PIEZO2: variants seen among roughly 807,000 people sequenced by gnomAD.
The protein encoded by PIEZO2 is piezo type mechanosensitive ion channel component 2, also known as piezo-type mechanosensitive ion channel component 2.
A neutral mutation model predicts 337.3 loss-of-function variants in PIEZO2; 172 were observed. The ratio of observed to expected loss-of-function variants is 0.51; its 90% CI spans 0.45 to 0.58. PIEZO2 has a LOEUF of 0.58. Ranked by LOEUF, PIEZO2 falls within the 20% of genes least tolerant of loss-of-function variation. PIEZO2 has a pLI of 0.00. For synonymous variants in PIEZO2, 1,251 were observed against 1,228.5 expected (o/e 1.02, Z -0.38); for missense variants, 3,028 against 3,391.3 (o/e 0.89, Z 2.66).
At chr18:10,931,312 G>C (rs1376538076) in intron 3 of PIEZO2, among the ~76,000 whole-genome samples, 1 of 152,084 alleles carries the variant, frequency 6.6e-6, no homozygotes, top group Non-Finnish European at 1.5e-5. Flanking sequence ...CCATTCTCCT[G>C]CCTCAGCCTC....
Position 11,033,563 on chromosome 18 carries a change from A to G in PIEZO2, c.160+32564T>C, listed in dbSNP as rs2036814944. 6.6e-6 allele frequency among the ~76,000 whole-genome samples: 1 copy of G among 152,158 alleles called. No homozygotes were observed. Among genetic ancestry groups the G allele is most frequent in the Non-Finnish European group, 1.5e-5 (1 of 68,020 alleles). On this transcript the variant is annotated intron_variant, in intron 2 of 55. Transcript: ENST00000674853. The surrounding 1 kb of genome is among the most constrained non-coding windows in gnomAD (Gnocchi z 4.2). ...GAACGCATTCCATGACACATGTTTG[A>G]CTCCTGGAAAACTTCTCTGATGCTG...
chr18:10,672,337 G>A lies in PIEZO2; in HGVS notation c.8345+353C>T, dbSNP rs145376231. 1.3e-5 allele frequency among the ~76,000 whole-genome samples: 2 copies of A among 152,154 alleles called. No homozygotes were observed. The highest frequency in any genetic ancestry group is 2.9e-5 in the Non-Finnish European group (2 of 68,018). On this transcript the variant is annotated intron_variant, in intron 55 of 55. Transcript: ENST00000674853. This position sits in a 1 kb window ranked among gnomAD's most constrained non-coding sequence, Gnocchi z 4.7. ...CGATGTTTCAGAAGTTCAAAAGCAGGATGTCTAATAGATCCATCTGCTAAG... is the reference window on the plus strand; with the variant it reads ...CGATGTTTCAGAAGTTCAAAAGCAGAATGTCTAATAGATCCATCTGCTAAG...
intron 2 of PIEZO2, among the ~76,000 whole-genome samples, chr18:11,022,453 A>T (rs2859614): frequency 0.46 from 69,818 of 152,012 alleles, 16,169 homozygotes; most frequent in Middle Eastern, 0.53. Flanking sequence ...TGATTGTCTC[A>T]GTTGTAAAGG....
intron 7 of PIEZO2, among the ~76,000 whole-genome samples, chr18:10,832,271 G>A (rs1277963502): frequency 6.6e-6 from 1 of 151,968 alleles, no homozygotes; most frequent in Non-Finnish European, 1.5e-5. Flanking sequence ...AAACAGAGTT[G>A]GAAATACTCT....
chr18:10,739,958 C>A (rs544590736), intron 33 of PIEZO2: 54 of 152,228 alleles, frequency 3.5e-4, no homozygotes, highest in African/African-American at 1.2e-3. Context: ...GGAAGAAGTT[C>A]TACTTTATTT....
In PIEZO2 at chr18:11,021,541, C is replaced by A. The variant is rs928629797; in HGVS notation, c.161-41881G>T. Among the ~76,000 whole-genome samples the A allele has an allele frequency of 2.0e-5, 3 of 152,120 alleles. No homozygotes were observed. Among genetic ancestry groups the A allele is most frequent in the African/African-American group, 7.2e-5 (3 of 41,424 alleles). The stretch of plus-strand genomic sequence containing the variant: ...ACTCTCCTGCTTCAGCCGCCAATGG[C>A]GTTTAGTCTCCTTGTGAATTCGTGA... On this transcript the variant is annotated intron_variant, in intron 2 of 55. Coordinates refer to ENST00000674853, the MANE Select transcript of PIEZO2 (RefSeq NM_001378183.1). The surrounding 1 kb of genome is among the most constrained non-coding windows in gnomAD (Gnocchi z 4.7).
chr18:10,810,307 C>T (rs1032365409), intron 7 of PIEZO2, among the ~76,000 whole-genome samples: 5 of 152,188 alleles, frequency 3.3e-5, no homozygotes, highest in African/African-American at 1.2e-4. Context: ...ACACATCAGA[C>T]CCTTGGGGCC....
rs1598965835 is a variant in PIEZO2 at position 11,104,644 on chromosome 18, G to C, written c.65-38422C>G. Among the ~76,000 whole-genome samples, 1 of 152,262 alleles carries C rather than the reference G, an allele frequency of 6.6e-6. No individual in the cohort carries two copies. The highest frequency in any genetic ancestry group is 1.9e-4 in the East Asian group (1 of 5,206). The stretch of plus-strand genomic sequence containing the variant: ...ACAAGGTGGGCAGTGCCCAGGGACA[G>C]CAGCTTTCTCAGCCTACCTACAACA... On this transcript the variant is annotated intron_variant, in intron 1 of 55. Coordinates refer to ENST00000674853, the MANE Select transcript of PIEZO2 (RefSeq NM_001378183.1). This position sits in a 1 kb window ranked among gnomAD's most constrained non-coding sequence, Gnocchi z 4.6.
intron 7 of PIEZO2, among the ~76,000 whole-genome samples, chr18:10,839,810 T>C (rs966535194): frequency 6.6e-6 from 1 of 152,314 alleles, no homozygotes; most frequent in Middle Eastern, 3.4e-3. Context: ...GCAAAAAGAC[T>C]GGATAATCAA....
intron 3 of PIEZO2, among the ~76,000 whole-genome samples, chr18:10,936,718 T>TGA: frequency 6.6e-6 from 1 of 152,196 alleles, no homozygotes; most frequent in African/African-American, 2.4e-5. Flanking sequence ...ATCAAAAACA[T>TGA]AGCCCAGTGG....
chr18:11,133,691 T>C (rs2040401998), intron 1 of PIEZO2, among the ~76,000 whole-genome samples: 1 of 152,060 alleles, frequency 6.6e-6, no homozygotes, highest in South Asian at 2.1e-4. Flanking sequence ...TCCAAGTTCT[T>C]CAGTTTTGGG....
intron 2 of PIEZO2, among the ~76,000 whole-genome samples, chr18:11,061,834 A>C (rs1171968976): frequency 2.6e-5 from 4 of 152,118 alleles, no homozygotes; most frequent in East Asian, 1.9e-4. Flanking sequence ...CCATACTGCC[A>C]AAGGTAATTT....
Position 10,795,097 on chromosome 18 carries a change from C to A in PIEZO2, c.1528-95G>T. On this transcript the variant is annotated intron_variant, in intron 12 of 55. Transcript: ENST00000674853. The surrounding 1 kb of genome is among the most constrained non-coding windows in gnomAD (Gnocchi z 4.4). ...TAAAAACTATCTAAAAAGAAAAGGT[C>A]ATAATATTCAAACCAGGGAGAGTAG... The A allele has an allele frequency of 1.9e-6, 2 of 1,054,738 alleles. No homozygotes were observed. Among genetic ancestry groups the A allele is most frequent in the South Asian group, 3.0e-5 (2 of 66,426 alleles). The allele number at this position is 1,054,738 out of a possible 1,614,324, so 65.3% of individuals were successfully genotyped here. A position where few individuals can be genotyped will look rare whatever the true frequency, so the allele number is the denominator to read the frequency against.
intron 12 of PIEZO2, among the ~76,000 whole-genome samples, chr18:10,796,262 C>A (rs943556309): frequency 2.0e-5 from 3 of 151,410 alleles, no homozygotes; most frequent in Non-Finnish European, 4.4e-5. Flanking sequence ...CCCAGCTACT[C>A]GGGAGGCTGA....
intron 2 of PIEZO2, among the ~76,000 whole-genome samples, chr18:11,054,120 A>G (rs749530255): frequency 1.3e-5 from 2 of 152,260 alleles, no homozygotes; most frequent in African/African-American, 4.8e-5. Context: ...AATAAATTTA[A>G]TGCAGGACAA....
intron 27 of PIEZO2, among the ~76,000 whole-genome samples, chr18:10,755,573 C>G (rs1207162477): frequency 2.0e-5 from 3 of 152,102 alleles, no homozygotes; most frequent in Non-Finnish European, 2.9e-5. Flanking sequence ...ATACGGAAAC[C>G]CAGGGAATGC....
rs1017006388 is a variant in PIEZO2, at chr18:11,048,692, G to A, written c.160+17435C>T. Among the ~76,000 whole-genome samples, 1 of 152,144 alleles carries A rather than the reference G, an allele frequency of 6.6e-6. No individual in the cohort carries two copies. Among genetic ancestry groups the A allele is most frequent in the African/African-American group, 2.4e-5 (1 of 41,426 alleles). On this transcript the variant is annotated intron_variant, in intron 2 of 55. Transcript: ENST00000674853. This position sits in a 1 kb window ranked among gnomAD's most constrained non-coding sequence, Gnocchi z 4.5. ...AAATGATAGTTTCAGGAATTATTCA[G>A]TAGCCTCTGTGTGTTTCTTAATTTC...
In PIEZO2 at chr18:10,969,114, A is replaced by G. The variant is rs76756615; in HGVS notation, c.286+10421T>C. Among the ~76,000 whole-genome samples the G allele has an allele frequency of 6.6e-6, 1 of 152,312 alleles. No homozygotes were observed. Among genetic ancestry groups the G allele is most frequent in the East Asian group, 1.9e-4 (1 of 5,190 alleles). ...GCTTAGCCCAATTCTGCTGCTTTCA[A>G]ATGCCTTTGAAATGTCCTTCCATAT... On this transcript the variant is annotated intron_variant, in intron 3 of 55. Transcript: ENST00000674853. This position sits in a 1 kb window ranked among gnomAD's most constrained non-coding sequence, Gnocchi z 4.5.
chr18:10,765,898 C>T (rs1248452026), intron 21 of PIEZO2, among the ~76,000 whole-genome samples: 6 of 152,016 alleles, frequency 3.9e-5, no homozygotes, highest in South Asian at 4.2e-4. Context: ...GGGGAGGGGC[C>T]GGGAAGGTGA....
Sources: allele counts gnomAD v4.1 joint callset (sites outside exome capture counted in the v4.1 genomes callset), GRCh38; gene constraint gnomAD v4.1.1; non-coding constraint Gnocchi (gnomAD v3.1); transcripts MANE v1.5; gene names NCBI Gene and HGNC (gene_info 2026-07-23, HGNC 2026-07-21).